MICAL2: variants seen among roughly 807,000 people sequenced by gnomAD.
MICAL2 encodes microtubule associated monooxygenase, calponin and LIM domain containing 2.
MICAL2 carries 77 observed loss-of-function variants against 127.3 expected under a neutral mutation model. The ratio of observed to expected loss-of-function variants is 0.60; its 90% CI spans 0.50 to 0.73. The LOEUF is 0.73. Ranked by LOEUF, MICAL2 falls within the 30% of genes least tolerant of loss-of-function variation. The pLI is 0.00. For missense variants in MICAL2, 1,351 were observed against 1,434.4 expected (o/e 0.94, Z 0.94); for synonymous variants, 570 against 551.1 (o/e 1.03, Z -0.48).
chr11:12,229,443 C>T (rs1401530486), intron 15 of MICAL2, among the ~76,000 whole-genome samples: 2 of 152,228 alleles, frequency 1.3e-5, no homozygotes, highest in Admixed American at 6.5e-5. Context: ...CAGCGGTCAG[C>T]TTGTTCTACC....
At chr11:12,357,996 G>T (rs1395257215) in intron 34 of MICAL2, among the ~76,000 whole-genome samples, 1 of 152,168 alleles carries the variant, frequency 6.6e-6, no homozygotes, top group Non-Finnish European at 1.5e-5. Flanking sequence ...CTTTGGGGCA[G>T]AGGGAAGGTT....
At chr11:12,247,209 T>G (rs1210891323) in intron 21 of MICAL2, among the ~76,000 whole-genome samples, 1 of 152,188 alleles carries the variant, frequency 6.6e-6, no homozygotes, top group African/African-American at 2.4e-5. Flanking sequence ...TGTGTGCATG[T>G]AAACCCTCAC....
intron 8 of MICAL2, among the ~76,000 whole-genome samples, chr11:12,217,113 G>A (rs1856266183): frequency 6.6e-6 from 1 of 152,174 alleles, no homozygotes; most frequent in African/African-American, 2.4e-5. Context: ...TCTTCGGACA[G>A]GTGTACAACC....
chr11:12,179,886 G>T lies in MICAL2; in HGVS notation c.264+17467G>T, dbSNP rs139914595. On this transcript the variant is annotated intron_variant, in intron 3 of 27. Coordinates refer to ENST00000683283, the MANE Select transcript of MICAL2 (RefSeq NM_001282663.2). ...GTCTGTATCAATTCCCACAGCAGCT[G>T]TTCCCATCCTTTACCTCCTTCTCTG... 7.9e-5 allele frequency among the ~76,000 whole-genome samples: 12 copies of T among 152,330 alleles called. No homozygotes were observed. In the East Asian group the frequency reaches 2.1e-3, roughly 27 times the overall value.
intron 32 of MICAL2, among the ~76,000 whole-genome samples, chr11:12,332,328 G>C (rs554444768): frequency 7.9e-5 from 12 of 152,206 alleles, no homozygotes; most frequent in African/African-American, 2.9e-4. Context: ...GCAGGGGAAG[G>C]GTTGAGATCT....
At chr11:12,286,565 T>C (rs1863829148) in intron 2 of MICAL2, among the ~76,000 whole-genome samples, 2 of 152,190 alleles carry the variant, frequency 1.3e-5, no homozygotes, top group South Asian at 2.1e-4. Flanking sequence ...ACCTGTCCCA[T>C]AGCAGGGTCT....
At chr11:12,337,614 C>T (rs1393837785) in intron 32 of MICAL2, among the ~76,000 whole-genome samples, 1 of 152,038 alleles carries the variant, frequency 6.6e-6, no homozygotes, top group Non-Finnish European at 1.5e-5. Context: ...TCCCTCTACA[C>T]ACTGCTTTGA....
At chr11:12,339,539 C>T (rs1279971636) in intron 32 of MICAL2, among the ~76,000 whole-genome samples, 7 of 152,098 alleles carry the variant, frequency 4.6e-5, no homozygotes, top group Non-Finnish European at 1.0e-4. Flanking sequence ...TTTAGAGTTT[C>T]CAGTTTTTCT....
intron 3 of MICAL2, among the ~76,000 whole-genome samples, chr11:12,183,186 T>A (rs1422360400): frequency 6.6e-6 from 1 of 152,144 alleles, no homozygotes; most frequent in Admixed American, 6.5e-5. Context: ...TTCTTTTTTT[T>A]AAATCCTGAA....
At chr11:12,175,777 T>C (rs1856775509) in intron 3 of MICAL2, among the ~76,000 whole-genome samples, 1 of 152,056 alleles carries the variant, frequency 6.6e-6, no homozygotes, top group African/African-American at 2.4e-5. Context: ...GAGTGAATGC[T>C]AGGCAAAGGA....
intron 29 of MICAL2, among the ~76,000 whole-genome samples, chr11:12,309,783 C>G (rs1263237940): frequency 6.6e-6 from 1 of 152,078 alleles, no homozygotes; most frequent in Admixed American, 6.5e-5. Context: ...ACTTTATATT[C>G]CCACCAACAG....
chr11:12,217,716 T>C (rs1456280130), intron 8 of MICAL2, among the ~76,000 whole-genome samples: 1 of 152,152 alleles, frequency 6.6e-6, no homozygotes, highest in Admixed American at 6.5e-5. Context: ...TGTTTGCTCA[T>C]GGCAACTCGC....
At chr11:12,248,262 G>C (rs936410071) in intron 21 of MICAL2, among the ~76,000 whole-genome samples, 9 of 152,150 alleles carry the variant, frequency 5.9e-5, no homozygotes, top group African/African-American at 2.2e-4. Flanking sequence ...GCTCTCACGG[G>C]GGGCTCAGAT....
intron 3 of MICAL2, among the ~76,000 whole-genome samples, chr11:12,199,312 C>T (rs893844417): frequency 2.0e-5 from 3 of 152,054 alleles, no homozygotes; most frequent in Admixed American, 2.0e-4. Flanking sequence ...GTGCCAGGCA[C>T]CGTGCAGTTA....
intron 1 of MICAL2, chr11:12,276,223 C>T (rs1863721070): frequency 2.7e-6 from 1 of 371,330 alleles, no homozygotes; most frequent in East Asian, 4.0e-5. Flanking sequence ...AAGGGAATCA[C>T]ATTTGGGATT....
chr11:12,218,740 A>G (rs1384234520), intron 8 of MICAL2, among the ~76,000 whole-genome samples: 2 of 152,182 alleles, frequency 1.3e-5, no homozygotes, highest in African/African-American at 4.8e-5. Flanking sequence ...GTTTGGTTTG[A>G]ATGGGGGAAA....
At chr11:12,296,008 A>C (rs371542612), downstream of MICAL2, among the ~76,000 whole-genome samples, 1 of 152,252 alleles carries the variant, frequency 6.6e-6, no homozygotes, top group South Asian at 2.1e-4. Context: ...AACCTGATTA[A>C]AATTTTTAAA....
Position 12,204,450 on chromosome 11 carries a change from C to A in MICAL2, c.465C>A (p.Asp155Glu), listed in dbSNP as rs746628783. The change falls in exon 4 of 28, where the codon GAC becomes GAA. Residue 155 changes from aspartate (D) to glutamate (E), a missense_variant. Around this residue, in one of 2 missense-constraint regions of MICAL2, gnomAD observed 599 missense variants for 714.9 expected, o/e 0.84. Coordinates refer to ENST00000683283, the MANE Select transcript of MICAL2 (RefSeq NM_001282663.2). ...GGAAGTTCTGTGCTGGCTCCATCGA[C>A]CATATCAGTGAGTGGAGTCTATGGT... ...FYGKFCAGSI[D>E]HISIRQLQLI... is the part of the protein sequence containing the mutation. The A allele has an allele frequency of 1.9e-6, 3 of 1,614,120 alleles. No individual in the cohort carries two copies. Among genetic ancestry groups the A allele is most frequent in the South Asian group, 2.2e-5 (2 of 91,090 alleles).
intron 3 of MICAL2, among the ~76,000 whole-genome samples, chr11:12,198,853 C>T (rs1471153952): frequency 2.6e-5 from 4 of 152,224 alleles, no homozygotes; most frequent in African/African-American, 9.6e-5. Flanking sequence ...CTATGATTTC[C>T]CACCCTGCGG....
Sources: gnomAD v4.1 joint callset for allele counts (sites outside exome capture counted in the v4.1 genomes callset) on GRCh38, gnomAD v4.1.1 for gene constraint, gnomAD v4.1.1 regional missense constraint, MANE v1.5 for transcripts, NCBI Gene and HGNC (gene_info 2026-07-23, HGNC 2026-07-21) for gene names.